SYN3: variants seen among roughly 807,000 people sequenced by gnomAD.
The protein encoded by SYN3 is synapsin-3.
A neutral mutation model predicts 65.8 loss-of-function variants in SYN3; 35 were observed. The ratio of observed to expected loss-of-function variants is 0.53; its 90% CI spans 0.41 to 0.70. The LOEUF is 0.70. Among genes scored for constraint, SYN3 ranks in the 30% least tolerant of loss-of-function variants. SYN3 has a pLI of 0.00. For missense variants in SYN3, 680 were observed against 749.0 expected (o/e 0.91, Z 1.08); for synonymous variants, 270 against 292.9 (o/e 0.92, Z 0.80).
chr22:32,794,554 CT>C (rs1216055587), intron 6 of SYN3, among the ~76,000 whole-genome samples: 2 of 152,136 alleles, frequency 1.3e-5, no homozygotes, highest in Admixed American at 1.3e-4. Context: ...TAGTTTATTC[CT>C]TTAATATTTG....
chr22:32,513,453 T>C lies in SYN3; in HGVS notation c.*239A>G. ...GGGTGTGATGCCCATCGCTCAGGCC[T>C]GTTTTGAGGAACCTGGAGGCTCTCA... On this transcript the variant is annotated 3_prime_UTR_variant, in exon 14 of 14. Coordinates refer to ENST00000358763, the MANE Select transcript of SYN3 (RefSeq NM_003490.4). 2.2e-6 allele frequency: 1 copy of C among 459,420 alleles called. No individual in the cohort carries two copies. The highest frequency in any genetic ancestry group is 3.8e-6 in the Non-Finnish European group (1 of 263,184). The allele number at this position is 459,420 out of a possible 1,614,324, so 28.5% of individuals were successfully genotyped here.
At chr22:32,798,682 A>ATTT (rs2046486761) in intron 6 of SYN3, among the ~76,000 whole-genome samples, 1 of 124,974 alleles carries the variant, frequency 8.0e-6, no homozygotes, top group Non-Finnish European at 1.7e-5. Context: ...CTGCATCTTC[A>ATTT]TTCTTTTTTT....
At chr22:32,789,173 T>C (rs551628893) in intron 6 of SYN3, among the ~76,000 whole-genome samples, 4 of 152,166 alleles carry the variant, frequency 2.6e-5, no homozygotes, top group Non-Finnish European at 5.9e-5. Context: ...AAAGGAGCAA[T>C]AGACAAAAAA....
At chr22:32,849,330 T>C (rs2048153927) in intron 6 of SYN3, 8 of 781,330 alleles carry the variant, frequency 1.0e-5, no homozygotes, top group Admixed American at 8.1e-5. Flanking sequence ...TCTATTCCAG[T>C]TGGCTCCAAG....
intron 4 of SYN3, among the ~76,000 whole-genome samples, chr22:32,921,884 A>AGCTGCT (rs2050343048): frequency 6.6e-6 from 1 of 152,176 alleles, no homozygotes; most frequent in African/African-American, 2.4e-5. Context: ...ACGGTCACAC[A>AGCTGCT]GCTGCTGTCA....
chr22:32,988,311 A>AATG (rs1331919430), intron 2 of SYN3, among the ~76,000 whole-genome samples: 14 of 40,180 alleles, frequency 3.5e-4, no homozygotes, highest in Admixed American at 2.2e-3. Context: ...GTCTCAAAAT[A>AATG]ATAATAATAA....
At chr22:32,835,305 A>C (rs929915658) in intron 6 of SYN3, among the ~76,000 whole-genome samples, 1 of 152,176 alleles carries the variant, frequency 6.6e-6, no homozygotes, top group East Asian at 1.9e-4. Context: ...GGTTAGATAC[A>C]ATTGTGAGCA....
chr22:32,935,575 T>C (rs1352725759), intron 3 of SYN3, among the ~76,000 whole-genome samples: 1 of 151,228 alleles, frequency 6.6e-6, no homozygotes, highest in Admixed American at 6.6e-5. Flanking sequence ...CTCAGCCTCC[T>C]AAGCAGCTGA....
chr22:32,970,837 G>A (rs1020647256), intron 3 of SYN3, among the ~76,000 whole-genome samples: 1 of 152,164 alleles, frequency 6.6e-6, no homozygotes, highest in Non-Finnish European at 1.5e-5. Context: ...AGCTGGAAGG[G>A]GAAAGGCAAA....
intron 7 of SYN3, among the ~76,000 whole-genome samples, chr22:32,548,981 G>T (rs2058372977): frequency 6.6e-6 from 1 of 152,140 alleles, no homozygotes; most frequent in Non-Finnish European, 1.5e-5. Context: ...AGACAGGGGT[G>T]GGCGGCCTAG....
At chr22:32,612,867 T>C (rs2059465080) in intron 6 of SYN3, among the ~76,000 whole-genome samples, 1 of 151,868 alleles carries the variant, frequency 6.6e-6, no homozygotes, top group South Asian at 2.1e-4. Context: ...AAATAAATGA[T>C]ATGGTTTGGC....
At chr22:32,803,950 A>G (rs550511878) in intron 6 of SYN3, among the ~76,000 whole-genome samples, 77 of 152,328 alleles carry the variant, frequency 5.1e-4, no homozygotes, top group African/African-American at 1.8e-3. Context: ...AAGCATGAGT[A>G]GATCCTGCTT....
intron 6 of SYN3, among the ~76,000 whole-genome samples, chr22:32,760,138 A>T: frequency 9.0e-6 from 1 of 111,380 alleles, no homozygotes; most frequent in Non-Finnish European, 1.8e-5. Flanking sequence ...GCACCCATGC[A>T]TCCGCAGCCA....
chr22:32,929,385 T>G (rs531109472), intron 4 of SYN3, among the ~76,000 whole-genome samples: 1 of 152,330 alleles, frequency 6.6e-6, no homozygotes, highest in Non-Finnish European at 1.5e-5. Flanking sequence ...ATGTATAGTT[T>G]TTAAAAATAA....
intron 12 of SYN3, among the ~76,000 whole-genome samples, chr22:32,518,681 A>G (rs1221538182): frequency 6.6e-6 from 1 of 152,196 alleles, no homozygotes; most frequent in African/African-American, 2.4e-5. Flanking sequence ...TATATAAAAA[A>G]GCAAGACTGG....
chr22:32,873,291 G>A (rs1480196754), intron 4 of SYN3, among the ~76,000 whole-genome samples: 1 of 147,016 alleles, frequency 6.8e-6, no homozygotes, highest in East Asian at 2.0e-4. Flanking sequence ...GAGTGGGTGA[G>A]TGAGTGAGTG....
At chr22:32,777,667 A>C (rs529951321) in intron 6 of SYN3, among the ~76,000 whole-genome samples, 43 of 152,298 alleles carry the variant, frequency 2.8e-4, no homozygotes, top group Admixed American at 2.5e-3. Context: ...TTACAGGGAG[A>C]GAGGCAAGAA....
rs978560881 is a variant in SYN3 at position 32,751,317 on chromosome 22, C to A, written c.711+113598G>T. ...AGTGCAGTGGTAAATGGCAGCAGGG[C>A]CACTCAGAAGTGGCCTCTGCTCTGG... On this transcript the variant is annotated intron_variant, in intron 6 of 13. Coordinates refer to ENST00000358763, the MANE Select transcript of SYN3 (RefSeq NM_003490.4). 1.1e-4 allele frequency among the ~76,000 whole-genome samples: 17 copies of A among 152,302 alleles called. No homozygotes were observed. In the South Asian group the frequency reaches 2.7e-3, roughly 24 times the overall value.
chr22:32,622,636 G>A (rs2059611277), intron 6 of SYN3, among the ~76,000 whole-genome samples: 1 of 151,828 alleles, frequency 6.6e-6, no homozygotes, highest in Non-Finnish European at 1.5e-5. Context: ...GAGCTGGGAG[G>A]GGCTTCCAGA....
Sources: gnomAD v4.1 joint callset for allele counts (sites outside exome capture counted in the v4.1 genomes callset) on GRCh38, gnomAD v4.1.1 for gene constraint, MANE v1.5 for transcripts, NCBI Gene and HGNC (gene_info 2026-07-23, HGNC 2026-07-21) for gene names.